TTN: variants seen among roughly 807,000 people sequenced by gnomAD.
The protein encoded by TTN is titin.
TTN carries 1,525 observed loss-of-function variants against 3,223.0 expected under a neutral mutation model. The observed-to-expected ratio is 0.47, with a 90% CI of 0.45 to 0.49. The LOEUF (loss-of-function observed/expected upper bound fraction) is 0.49. Among genes scored for constraint, TTN ranks in the 20% least tolerant of loss-of-function variants. The probability of loss-of-function intolerance (pLI) is 0.00; values close to 1 mark genes in which losing one functional copy is unlikely to be tolerated. For synonymous variants in TTN, 14,094 were observed against 15,161.0 expected (o/e 0.93, Z 5.17); for missense variants, 40,786 against 43,424.0 (o/e 0.94, Z 5.40).
At chr2:178,680,931 T>C (rs1174814873) in intron 138 of TTN, 148 bp downstream of exon 138, 1 of 725,826 alleles carries the variant, frequency 1.4e-6, no homozygotes, top group Non-Finnish European at 2.2e-6. Context: ...ATTATCTTCT[T>C]ATCCTGTATT....
At position 178,636,288 on chromosome 2, in the gene TTN, T is replaced by G; in HGVS notation, c.41330-47A>C. On this transcript the variant is annotated intron_variant, in intron 225 of 362. Coordinates refer to ENST00000589042, the MANE Select transcript of TTN (RefSeq NM_001267550.2). This position sits in a 1 kb window ranked among gnomAD's most constrained non-coding sequence, Gnocchi z 4.3. ...ATTTCAATAAATACAATATTTTCAA[T>G]GAAATAAAACTTGGAAATAAGAGGT... The G allele has an allele frequency of 1.4e-6, 2 of 1,479,090 alleles. No individual in the cohort carries two copies. The highest frequency in any genetic ancestry group is 4.9e-5 in the East Asian group (2 of 40,938). 91.6% of individuals were successfully genotyped at this position (1,479,090 alleles called of 1,614,324 possible).
chr2:178,550,703 TAA>T, intron 336 of TTN: 1 of 487,676 alleles, frequency 2.1e-6, no homozygotes, highest in Non-Finnish European at 3.6e-6. Context: ...TATGTACTGT[TAA>T]GTGGCGAAAA....
Position 178,558,084 on chromosome 2 carries a change from T to G in TTN, c.87270A>C (p.Arg29090Ser), listed in dbSNP as rs1335648809. 3 of 1,613,790 alleles carry G rather than the reference T, an allele frequency of 1.9e-6. No individual in the cohort carries two copies. In the African/African-American group the frequency reaches 4.0e-5, roughly 22 times the overall value. The change falls in exon 328 of 363, where the codon AGA becomes AGC. Residue 29090 changes from arginine (R) to serine (S), a missense_variant. Arg to Ser is a moderately radical substitution (Grantham distance 110). Coordinates refer to ENST00000589042, the MANE Select transcript of TTN (RefSeq NM_001267550.2). ...RDGVPLKATM[R>S]FNTEITAENL... Reference sequence around the variant, plus strand: ...TCTCAGCAGTAATTTCGGTATTAAATCTCATGGTTGCCTTAAGGGGGACAC... The same window carrying G: ...TCTCAGCAGTAATTTCGGTATTAAAGCTCATGGTTGCCTTAAGGGGGACAC...
At position 178,677,929 on chromosome 2, in the gene TTN, T is replaced by C; in HGVS notation, c.33995-12A>G. 6.3e-7 allele frequency: 1 copy of C among 1,583,156 alleles called. No individual in the cohort carries two copies. The highest frequency in any genetic ancestry group is 8.6e-7 in the Non-Finnish European group (1 of 1,169,270). On this transcript the variant is annotated splice_polypyrimidine_tract_variant and intron_variant, in intron 145 of 362. Transcript: ENST00000589042. Reference sequence around the variant, plus strand: ...ACGTTTCTTTGGCACTTTAAAGATATTTATTCAAGGGTACAAACATCACTT... The same window carrying C: ...ACGTTTCTTTGGCACTTTAAAGATACTTATTCAAGGGTACAAACATCACTT...
intron 152 of TTN, 29 bp from the exon 153 acceptor site, chr2:178,672,732 C>A: frequency 6.5e-7 from 1 of 1,547,728 alleles, no homozygotes; most frequent in Non-Finnish European, 8.8e-7. Flanking sequence ...TTTTAGTTAG[C>A]TGAGAATGTT....
chr2:178,709,724 A>G lies in TTN; in HGVS notation c.28595T>C (p.Ile9532Thr). Residue 9532 changes from isoleucine (I) to threonine (T), a missense_variant, in exon 99 of 363, where the codon ATA (isoleucine) becomes ACA (threonine). Ile to Thr is a moderately conservative substitution (Grantham distance 89, BLOSUM62 -1). Coordinates refer to ENST00000589042, the MANE Select transcript of TTN (RefSeq NM_001267550.2). ...PITVAWYKNN[I>T]EIQPTSNCEI... is the part of the protein sequence containing the mutation. Reference sequence around the variant, plus strand: ...ACAGTTAGAAGTTGGTTGTATCTCTATATTATTTTTGTACCAGGCAACAGT... The same window carrying G: ...ACAGTTAGAAGTTGGTTGTATCTCTGTATTATTTTTGTACCAGGCAACAGT... The G allele has an allele frequency of 1.9e-6, 3 of 1,613,862 alleles. No homozygotes were observed. Among genetic ancestry groups the G allele is most frequent in the East Asian group, 2.2e-5 (1 of 44,880 alleles).
At position 178,758,826 on chromosome 2, in the gene TTN, G is replaced by A; in HGVS notation, c.10303+158C>T. On this transcript the variant is annotated intron_variant, in intron 44 of 362. Coordinates refer to ENST00000589042, the MANE Select transcript of TTN (RefSeq NM_001267550.2). ...ATTCACAATGAAAAGTGGTAAAGGA[G>A]AGGCGAGACCATGGCATATAACAGG... 9.3e-6 allele frequency: 7 copies of A among 753,310 alleles called. No homozygotes were observed. The South Asian group carries it at 1.1e-4, about 12-fold the overall frequency. The allele number at this position is 753,310 out of a possible 1,614,324, so 46.7% of individuals were successfully genotyped here. A position where few individuals can be genotyped will look rare whatever the true frequency, so the allele number is the denominator to read the frequency against.
At chr2:178,619,145 T>G in intron 250 of TTN, 1 of 435,578 alleles carries the variant, frequency 2.3e-6, no homozygotes, top group Middle Eastern at 6.1e-4. Flanking sequence ...CATGTTTTGT[T>G]TTGTTTTTTG....
rs1330751364 is a variant in TTN at position 178,739,801 on chromosome 2, A to T, written c.13432T>A (p.Cys4478Ser). 6.2e-7 allele frequency: 1 copy of T among 1,613,876 alleles called. No homozygotes were observed. Among genetic ancestry groups the T allele is most frequent in the Admixed American group, 1.7e-5 (1 of 59,992 alleles). ...TCTATTTCCTCATATATAATAGCAC[A>T]CAAAGCATCCCTAAGTTCCATTTTC... The part of the protein sequence containing the change: ...NLKMELRDAL[C>S]AIIYEEIDIL... The change falls in exon 48 of 363, where the codon TGT becomes AGT. Residue 4478 changes from cysteine (C) to serine (S), a missense_variant. By Grantham distance (112) the Cys-to-Ser change is moderately radical. Coordinates refer to ENST00000589042, the MANE Select transcript of TTN (RefSeq NM_001267550.2).
chr2:178,542,765 T>C lies in TTN; in HGVS notation c.97089A>G (p.Lys32363=). The change falls in exon 348 of 363, where the codon AAA becomes AAG. Residue 32363 remains lysine, a synonymous_variant. Transcript: ENST00000589042. Reference sequence around the variant, plus strand: ...TGATAGTGGTTTCACGGATGGTTAATTTAGCTACTTTAGTGTGAGTTTCAA... The same window carrying C: ...TGATAGTGGTTTCACGGATGGTTAACTTAGCTACTTTAGTGTGAGTTTCAA... The part of the protein sequence containing the change: ...VTVETHTKVA[K]LTIRETTIRD... 2.5e-6 allele frequency: 4 copies of C among 1,613,824 alleles called. No individual in the cohort carries two copies. Among genetic ancestry groups the C allele is most frequent in the Non-Finnish European group, 3.4e-6 (4 of 1,179,780 alleles).
chr2:178,562,886 T>C lies in TTN; in HGVS notation c.83246A>G (p.Glu27749Gly). The change falls in exon 326 of 363, where the codon GAA becomes GGA. Residue 27749 changes from glutamate to glycine, a missense_variant. Physicochemically the swap from Glu to Gly is moderately conservative, Grantham distance 98. Coordinates refer to ENST00000589042, the MANE Select transcript of TTN (RefSeq NM_001267550.2). ...FDSGRYNLTL[E>G]NNSGSKTAFV... is the part of the protein sequence containing the mutation. Reference sequence around the variant, plus strand: ...AGCTGTTTTGGAGCCACTATTATTTTCTAATGTCAGATTATACCGACCACT... The same window carrying C: ...AGCTGTTTTGGAGCCACTATTATTTCCTAATGTCAGATTATACCGACCACT... 1 of 1,613,414 alleles carries C rather than the reference T, an allele frequency of 6.2e-7. No individual in the cohort carries two copies. The highest frequency in any genetic ancestry group is 8.5e-7 in the Non-Finnish European group (1 of 1,179,668).
At chr2:178,747,565 G>A in intron 47 of TTN, 1 of 1,613,248 alleles carries the variant, frequency 6.2e-7, no homozygotes, top group Non-Finnish European at 8.5e-7. Flanking sequence ...ACACAGTGTT[G>A]AAAGTTACTT....
chr2:178,592,652 C>G lies in TTN; in HGVS notation c.59353G>C (p.Glu19785Gln). 1.9e-6 allele frequency: 3 copies of G among 1,612,888 alleles called. No homozygotes were observed. The highest frequency in any genetic ancestry group is 2.5e-6 in the Non-Finnish European group (3 of 1,179,430). ...VLVKDRLEPP[E>Q]LILDANMARE... Reference sequence around the variant, plus strand: ...GCCATGTTGGCATCAAGAATCAACTCAGGGGGTTCTAGAATAAAGAGAACA... The same window carrying G: ...GCCATGTTGGCATCAAGAATCAACTGAGGGGGTTCTAGAATAAAGAGAACA... The change falls in exon 301 of 363, where the codon GAG (glutamate) becomes CAG (glutamine). Residue 19785 changes from glutamate to glutamine, a missense_variant. By Grantham distance (29) the Glu-to-Gln change is conservative. Transcript: ENST00000589042.
At chr2:178,787,595 T>G (rs1561408367) in intron 13 of TTN, among the ~76,000 whole-genome samples, 1 of 152,136 alleles carries the variant, frequency 6.6e-6, no homozygotes, top group African/African-American at 2.4e-5. Context: ...TATGAAGTAG[T>G]CAGCTTAAGT....
At chr2:178,727,001 T>C (rs769823236) in intron 69 of TTN, 89 bp downstream of exon 69, 2 of 1,244,770 alleles carry the variant, frequency 1.6e-6, no homozygotes, top group Non-Finnish European at 2.1e-6. Context: ...AAATGGAAAC[T>C]AAAATGATAG....
rs2154145286 is a variant in TTN, at chr2:178,545,701, T to C, written c.95417-8A>G. On this transcript the variant is annotated splice_region_variant and splice_polypyrimidine_tract_variant and intron_variant, in intron 343 of 362. Coordinates refer to ENST00000589042, the MANE Select transcript of TTN (RefSeq NM_001267550.2). The stretch of plus-strand genomic sequence containing the variant: ...CGGGTGGTGATGGAATAGCTGTTTA[T>C]GAAAATAAGGATGATGAGAATTGCA... 3 of 1,609,708 alleles carry C rather than the reference T, an allele frequency of 1.9e-6. No homozygotes were observed. The highest frequency in any genetic ancestry group is 1.3e-5 in the African/African-American group (1 of 74,848).
rs535940583 is a variant in TTN at position 178,595,635 on chromosome 2, C to T, written c.57719G>A (p.Arg19240Gln). Residue 19240 changes from arginine (R) to glutamine (Q), a missense_variant, in exon 295 of 363, where the codon CGA (arginine) becomes CAA (glutamine). Arg to Gln is a conservative substitution (Grantham distance 43, BLOSUM62 1). Coordinates refer to ENST00000589042, the MANE Select transcript of TTN (RefSeq NM_001267550.2). ...GAGACCCTGGACAGTAGCATTTTGT[C>T]GGGTAACTGTATATGTCACTGGGGT... ...AWTPVTYTVT[R>Q]QNATVQGLIQ... 2.5e-5 allele frequency: 40 copies of T among 1,604,768 alleles called. No individual in the cohort carries two copies. The South Asian group carries it at 2.9e-4, about 12-fold the overall frequency.
chr2:178,645,525 A>G (rs1427622225), intron 217 of TTN, among the ~76,000 whole-genome samples: 2 of 152,094 alleles, frequency 1.3e-5, no homozygotes, highest in Non-Finnish European at 2.9e-5. Context: ...CTTTTATGTA[A>G]ATGTGTTACT....
chr2:178,631,262 T>C lies in TTN; in HGVS notation c.43786A>G (p.Thr14596Ala), dbSNP rs770795900. ...ATAACTTCATCTTTCTCTACACCAGTATAATCTTGAAGTTTTCCTGTAAAA... is the reference window on the plus strand; with the variant it reads ...ATAACTTCATCTTTCTCTACACCAGCATAATCTTGAAGTTTTCCTGTAAAA... ...PYFTGKLQDYTGVEKDEVILQ... is the reference protein window; with the variant it reads ...PYFTGKLQDYAGVEKDEVILQ... Residue 14596 changes from threonine to alanine, a missense_variant, in exon 237 of 363, where the codon ACT (threonine) becomes GCT (alanine). Thr to Ala is a moderately conservative substitution (Grantham distance 58, BLOSUM62 0). Transcript: ENST00000589042. 3 of 1,611,478 alleles carry C rather than the reference T, an allele frequency of 1.9e-6. No homozygotes were observed. The highest frequency in any genetic ancestry group is 2.2e-5 in the South Asian group (2 of 90,856).
Sources: allele counts gnomAD v4.1 joint callset (sites outside exome capture counted in the v4.1 genomes callset), GRCh38; gene constraint gnomAD v4.1.1; non-coding constraint Gnocchi (gnomAD v3.1); transcripts MANE v1.5; gene names NCBI Gene and HGNC (gene_info 2026-07-23, HGNC 2026-07-21).